RBFOX1: variants seen among roughly 807,000 people sequenced by gnomAD.
RBFOX1 encodes RNA binding protein fox-1 homolog 1.
Under a neutral mutation model 57.7 loss-of-function variants are expected in RBFOX1, and 8 were observed. The ratio of observed to expected loss-of-function variants is 0.14; its 90% CI spans 0.08 to 0.25. RBFOX1 has a LOEUF of 0.25. RBFOX1 is among the 10% of genes least tolerant of loss of function. The pLI is 1.00. For missense variants in RBFOX1, 611 were observed against 548.5 expected (o/e 1.11, Z -1.14); for synonymous variants, 326 against 222.4 (o/e 1.47, Z -4.15).
Position 7,698,138 on chromosome 16 carries a change from C to T in RBFOX1, c.996-10918C>T, listed in dbSNP as rs575576651. The stretch of plus-strand genomic sequence containing the variant: ...TTAACAATATGCTAGTCCCTGAAAA[C>T]CCCAGACAGGTTGAAACAGTTGTTT... On this transcript the variant is annotated intron_variant, in intron 14 of 15. Transcript: ENST00000550418. Among the ~76,000 whole-genome samples the T allele has an allele frequency of 1.2e-4, 18 of 151,908 alleles. No homozygotes were observed. The South Asian group carries it at 1.7e-3, about 14-fold the overall frequency.
At position 6,027,185 on chromosome 16, in the gene RBFOX1, C is replaced by T. The variant is rs891112251; in HGVS notation, c.-127+7193C>T. Among the ~76,000 whole-genome samples, 5 of 152,176 alleles carry T rather than the reference C, an allele frequency of 3.3e-5. No homozygotes were observed. In the South Asian group the frequency reaches 1.0e-3, roughly 31 times the overall value. The stretch of plus-strand genomic sequence containing the variant: ...ATGGTTGGGACCCTAATAGCTATGA[C>T]ACTCACTGGAAGCTCCTTCTGTGCT... On this transcript the variant is annotated intron_variant, in intron 1 of 15. Transcript: ENST00000550418.
At chr16:7,320,376 G>A (rs533916960) in intron 4 of RBFOX1, among the ~76,000 whole-genome samples, 1 of 152,136 alleles carries the variant, frequency 6.6e-6, no homozygotes, top group African/African-American at 2.4e-5. Context: ...ATGGCTTCCA[G>A]CTCCATCCAT....
intron 3 of RBFOX1, among the ~76,000 whole-genome samples, chr16:6,984,410 A>G (rs1306817058): frequency 6.6e-6 from 1 of 152,146 alleles, no homozygotes; most frequent in Non-Finnish European, 1.5e-5. Flanking sequence ...TCACCAGCCT[A>G]GGGGTATCTC....
At position 6,477,499 on chromosome 16, in the gene RBFOX1, G is replaced by C. The variant is rs187585372; in HGVS notation, c.-64+160442G>C. Among the ~76,000 whole-genome samples, 15 of 152,288 alleles carry C rather than the reference G, an allele frequency of 9.8e-5. No individual in the cohort carries two copies. The East Asian group carries it at 2.9e-3, about 29-fold the overall frequency. On this transcript the variant is annotated intron_variant, in intron 2 of 15. Coordinates refer to ENST00000550418, the MANE Select transcript of RBFOX1 (RefSeq NM_018723.4). ...TTAAAGGAATCCTTTTTTCTGAATA[G>C]TAGGTGTTAATAGTGGGCTTAAAAT...
chr16:5,585,492 G>A (rs986232121), intron 2 of RBFOX1, among the ~76,000 whole-genome samples: 1 of 152,208 alleles, frequency 6.6e-6, no homozygotes, highest in Admixed American at 6.5e-5. Context: ...CTGGATCCAT[G>A]GTTGCCCTTG....
intron 3 of RBFOX1, among the ~76,000 whole-genome samples, chr16:7,042,017 T>G (rs2153708645): frequency 6.6e-6 from 1 of 152,314 alleles, no homozygotes; most frequent in East Asian, 1.9e-4. Context: ...GTCTGATTCC[T>G]TAACCTCCAG....
At chr16:6,023,267 C>A (rs1660934799) in intron 1 of RBFOX1, among the ~76,000 whole-genome samples, 2 of 147,560 alleles carry the variant, frequency 1.4e-5, no homozygotes, top group African/African-American at 5.0e-5. Context: ...ATAATTGAAG[C>A]TATATATATA....
At chr16:6,307,154 C>T (rs535293116) in intron 1 of RBFOX1, among the ~76,000 whole-genome samples, 3 of 152,286 alleles carry the variant, frequency 2.0e-5, no homozygotes, top group South Asian at 2.1e-4. Flanking sequence ...GATTCGTAAA[C>T]GCCCCCCTAG....
chr16:6,106,991 A>C (rs1316908100), intron 1 of RBFOX1, among the ~76,000 whole-genome samples: 4 of 152,174 alleles, frequency 2.6e-5, no homozygotes, highest in African/African-American at 9.6e-5. Flanking sequence ...CTTTTAAAAA[A>C]TTCCTGCAGT....
intron 2 of RBFOX1, among the ~76,000 whole-genome samples, chr16:6,648,391 G>C (rs1039416028): frequency 1.3e-5 from 2 of 152,034 alleles, no homozygotes. Flanking sequence ...TGGGGTTGCA[G>C]ACTCCACGTT....
intron 2 of RBFOX1, among the ~76,000 whole-genome samples, chr16:6,522,085 G>A (rs1324897433): frequency 6.6e-6 from 1 of 151,720 alleles, no homozygotes; most frequent in African/African-American, 2.4e-5. Flanking sequence ...AGAAAAACTG[G>A]CATGTGTTTT....
At chr16:5,792,797 C>T (rs1480679692) in intron 3 of RBFOX1, among the ~76,000 whole-genome samples, 1 of 151,966 alleles carries the variant, frequency 6.6e-6, no homozygotes, top group African/African-American at 2.4e-5. Flanking sequence ...GAGGTGAGAT[C>T]GTGCCACTGC....
chr16:7,149,566 A>G (rs1161248232), intron 4 of RBFOX1, among the ~76,000 whole-genome samples: 2 of 143,784 alleles, frequency 1.4e-5, no homozygotes, highest in Non-Finnish European at 3.0e-5. Flanking sequence ...GCTCAGTGCA[A>G]CCTCCTCCTC....
At chr16:6,994,620 T>C (rs940390238) in intron 3 of RBFOX1, among the ~76,000 whole-genome samples, 2 of 152,200 alleles carry the variant, frequency 1.3e-5, no homozygotes, top group Admixed American at 6.5e-5. Flanking sequence ...TGCTAGTGTT[T>C]TGATTACATC....
intron 4 of RBFOX1, among the ~76,000 whole-genome samples, chr16:7,294,022 T>C (rs896116413): frequency 1.3e-5 from 2 of 152,262 alleles, no homozygotes; most frequent in African/African-American, 4.8e-5. Context: ...TCTGAGCATT[T>C]CTGGGGTCAA....
At chr16:6,989,590 A>G (rs1161521551) in intron 3 of RBFOX1, among the ~76,000 whole-genome samples, 1 of 152,198 alleles carries the variant, frequency 6.6e-6, no homozygotes, top group Non-Finnish European at 1.5e-5. Context: ...GCTGTGGAGA[A>G]TGCAACCATT....
intron 2 of RBFOX1, among the ~76,000 whole-genome samples, chr16:6,628,763 G>A (rs951980741): frequency 1.3e-5 from 2 of 152,200 alleles, no homozygotes; most frequent in African/African-American, 4.8e-5. Context: ...ACGAAGCTCT[G>A]TGAAGATATA....
intron 1 of RBFOX1, among the ~76,000 whole-genome samples, chr16:6,243,438 T>C (rs903761077): frequency 6.6e-6 from 1 of 152,210 alleles, no homozygotes; most frequent in Non-Finnish European, 1.5e-5. Context: ...ATGGTGCTGC[T>C]GTTTAAGCTT....
intron 1 of RBFOX1, among the ~76,000 whole-genome samples, chr16:5,401,083 C>T (rs1246013820): frequency 6.6e-6 from 1 of 152,038 alleles, no homozygotes; most frequent in Non-Finnish European, 1.5e-5. Flanking sequence ...TTAAGGTCAT[C>T]AATATATCTC....
Sources: allele counts gnomAD v4.1 joint callset (sites outside exome capture counted in the v4.1 genomes callset), GRCh38; gene constraint gnomAD v4.1.1; transcripts MANE v1.5; gene names NCBI Gene and HGNC (gene_info 2026-07-23, HGNC 2026-07-21).